The following UBE3B variants were observed in gnomAD, a reference collection of about 807,000 sequenced individuals.
UBE3B encodes ubiquitin protein ligase E3B, also known as ubiquitin-protein ligase E3B.
In UBE3B, 80 loss-of-function variants were observed where a neutral mutation model predicts 132.3. The observed-to-expected ratio is 0.60, with a 90% CI of 0.50 to 0.73. The LOEUF is 0.73. Ranked by LOEUF, UBE3B falls within the 30% of genes least tolerant of loss-of-function variation. The pLI is 0.00. For missense variants in UBE3B, 1,196 were observed against 1,362.5 expected, an observed-to-expected ratio of 0.88 and a Z score of 1.92; for synonymous variants, 487 against 520.4, an observed-to-expected ratio of 0.94 and a Z score of 0.87.
chr12:109,501,561 T>C (rs374216396), intron 13 of UBE3B, 27 bp downstream of exon 13: 130 of 1,600,136 alleles, frequency 8.1e-5, no homozygotes, highest in Non-Finnish European at 1.1e-4. Context: ...GGCCCAACCC[T>C]GTAGCTCCAC....
chr12:109,496,284 G>A (rs563286553), intron 9 of UBE3B, among the ~76,000 whole-genome samples: 3 of 152,262 alleles, frequency 2.0e-5, no homozygotes, highest in Non-Finnish European at 4.4e-5. Flanking sequence ...CCATTATATG[G>A]ATATACCACA....
At chr12:109,514,934 G>A (rs2136015924) in intron 18 of UBE3B, among the ~76,000 whole-genome samples, 1 of 147,504 alleles carries the variant, frequency 6.8e-6, no homozygotes, top group South Asian at 2.2e-4. Flanking sequence ...TTTTTATTAA[G>A]ACAGAGTCTC....
downstream of UBE3B, among the ~76,000 whole-genome samples, chr12:109,540,862 G>A (rs1451651458): frequency 6.6e-6 from 1 of 152,252 alleles, no homozygotes; most frequent in African/African-American, 2.4e-5. Context: ...GCAAAGAGCA[G>A]AAGCTGGCAG....
chr12:109,498,824 T>A (rs979346066), intron 11 of UBE3B, among the ~76,000 whole-genome samples: 1 of 151,832 alleles, frequency 6.6e-6, no homozygotes, highest in African/African-American at 2.4e-5. Flanking sequence ...GGAAAAGTTT[T>A]TTTTGTTTTT....
chr12:109,489,449 C>G (rs1877059476), intron 7 of UBE3B, among the ~76,000 whole-genome samples: 1 of 152,184 alleles, frequency 6.6e-6, no homozygotes, highest in East Asian at 1.9e-4. Context: ...AAACGGAAAG[C>G]AGGGAAAGCT....
intron 9 of UBE3B, chr12:109,491,549 G>GA (rs1480735935): frequency 6.4e-6 from 1 of 155,756 alleles, no homozygotes; most frequent in Non-Finnish European, 1.4e-5. Context: ...GAGGACCAGA[G>GA]AAGAGGTGAT....
intron 1 of UBE3B, among the ~76,000 whole-genome samples, chr12:109,480,219 T>C (rs1270742245): frequency 6.6e-6 from 1 of 151,240 alleles, no homozygotes; most frequent in Non-Finnish European, 1.5e-5. Flanking sequence ...CTTGTGTCTA[T>C]AAAAATAATA....
At chr12:109,479,762 A>G (rs1436303218) in intron 1 of UBE3B, among the ~76,000 whole-genome samples, 1 of 152,248 alleles carries the variant, frequency 6.6e-6, no homozygotes, top group African/African-American at 2.4e-5. Context: ...TAATAATCTC[A>G]AGGAAGGGGA....
intron 14 of UBE3B, among the ~76,000 whole-genome samples, chr12:109,506,932 G>A (rs192840623): frequency 9.2e-5 from 14 of 152,356 alleles, no homozygotes; most frequent in Middle Eastern, 3.4e-3. Context: ...AGGCAAAGCC[G>A]AGGTGTAACC....
chr12:109,507,780 A>G lies in UBE3B; in HGVS notation c.1622+45A>G, dbSNP rs1276749967. On this transcript the variant is annotated intron_variant, in intron 15 of 27. Transcript: ENST00000342494. ...ACTGAATTCCTTTCCTAGAATATGGAGAGACCAAAATACAGTGTCAGTAAG... is the reference window on the plus strand; with the variant it reads ...ACTGAATTCCTTTCCTAGAATATGGGGAGACCAAAATACAGTGTCAGTAAG... 4 of 1,583,636 alleles carry G rather than the reference A, an allele frequency of 2.5e-6. No homozygotes were observed. In the Admixed American group the frequency reaches 5.3e-5, roughly 21 times the overall value.
intron 24 of UBE3B, among the ~76,000 whole-genome samples, chr12:109,527,680 A>C (rs1882498703): frequency 1.3e-5 from 2 of 152,222 alleles, no homozygotes. Flanking sequence ...TAGAAGGAAC[A>C]AAGTGCAGAT....
chr12:109,502,426 A>G (rs1879120679), intron 13 of UBE3B, among the ~76,000 whole-genome samples: 1 of 152,216 alleles, frequency 6.6e-6, no homozygotes, highest in African/African-American at 2.4e-5. Context: ...CCACTAATGC[A>G]TAATTTGACA....
chr12:109,492,271 T>A (rs1877565416), intron 9 of UBE3B: 1 of 152,222 alleles, frequency 6.6e-6, no homozygotes, highest in Non-Finnish European at 1.5e-5. Flanking sequence ...AAATGAAGAA[T>A]TCACTTCCTC....
chr12:109,510,364 T>C lies in UBE3B; in HGVS notation c.1762T>C (p.Leu588=), dbSNP rs1164720633. ...GIVENAKGET[L]ELFQSVHGWL... is the part of the protein sequence containing the mutation. ...CACAGAGAACGCCAAGGGTGAGACC[T>C]TGGAGCTGTTCCAGTCTGTCCACGG... The change falls in exon 17 of 28, where the codon TTG becomes CTG. Residue 588 remains leucine, a synonymous_variant. Transcript: ENST00000342494. The C allele has an allele frequency of 1.9e-6, 3 of 1,610,350 alleles. No homozygotes were observed. The highest frequency in any genetic ancestry group is 2.7e-5 in the African/African-American group (2 of 74,894).
At chr12:109,528,138 C>G (rs2136112605) in intron 24 of UBE3B, among the ~76,000 whole-genome samples, 1 of 152,318 alleles carries the variant, frequency 6.6e-6, no homozygotes, top group Middle Eastern at 3.4e-3. Flanking sequence ...AGCCTCAGGT[C>G]AGGGTAAGGA....
intron 24 of UBE3B, among the ~76,000 whole-genome samples, chr12:109,527,305 C>A (rs1882456604): frequency 6.6e-6 from 1 of 152,192 alleles, no homozygotes; most frequent in Non-Finnish European, 1.5e-5. Flanking sequence ...CTCCACTCGG[C>A]CCTATTGTCA....
intron 4 of UBE3B, among the ~76,000 whole-genome samples, 154 bp from the exon 5 acceptor site, chr12:109,485,858 G>A (rs1228815123): frequency 6.6e-6 from 1 of 152,190 alleles, no homozygotes; most frequent in Non-Finnish European, 1.5e-5. Flanking sequence ...GATCTTCAGT[G>A]TCCTCATCTG....
At chr12:109,544,990 C>T in the UBE3B span, among the ~76,000 whole-genome samples, 3 of 152,206 alleles carry the variant, frequency 2.0e-5, no homozygotes, top group South Asian at 6.2e-4. Context: ...GAGTGACTTG[C>T]CCAGGGACTC....
chr12:109,529,689 G>T (rs1356178226), intron 24 of UBE3B, among the ~76,000 whole-genome samples: 1 of 152,186 alleles, frequency 6.6e-6, no homozygotes, highest in African/African-American at 2.4e-5. Context: ...AAGGCTTGAT[G>T]TGCACACAGT....
Sources: allele counts gnomAD v4.1 joint callset (sites outside exome capture counted in the v4.1 genomes callset), GRCh38; gene constraint gnomAD v4.1.1; transcripts MANE v1.5; gene names NCBI Gene and HGNC (gene_info 2026-07-23, HGNC 2026-07-21).